The following AMZ1 variants were observed in gnomAD, a reference collection of about 807,000 sequenced individuals.
AMZ1 encodes the protein archaelysin family metallopeptidase 1, also known as archaemetzincin-1.
In AMZ1, 39 loss-of-function variants were observed where a neutral mutation model predicts 29.9. That is an observed-to-expected ratio of 1.30 (90% CI 1.01 to 1.70). AMZ1 has a LOEUF of 1.70. AMZ1 is among the 40% of genes most tolerant of loss of function. The pLI is 0.00. For missense variants in AMZ1, 1,041 were observed against 680.6 expected, an observed-to-expected ratio of 1.53 and a Z score of -5.89; for synonymous variants, 458 against 304.0, an observed-to-expected ratio of 1.51 and a Z score of -5.27.
Position 2,747,719 on chromosome 7 carries a change from G to A in AMZ1, n.551-16993G>A, listed in dbSNP as rs556464978. On this transcript the variant is annotated intron_variant and non_coding_transcript_variant, in intron 4 of 4. Coordinates refer to the AMZ1 transcript ENST00000489665. ...TAAAGGGTATTCAATTAGGAAAAGA[G>A]GAAGTCAAATTGTCCCTGTTTGCAG... 1.0e-3 allele frequency among the ~76,000 whole-genome samples: 157 copies of A among 152,280 alleles called. 1 individual carries two copies. The highest frequency in any genetic ancestry group is 3.8e-3 in the African/African-American group (156 of 41,546).
chr7:2,713,756 C>T lies in AMZ1; in HGVS notation c.*878C>T, dbSNP rs934756770. 5.2e-5 allele frequency: 8 copies of T among 152,434 alleles called. No individual in the cohort carries two copies. Among genetic ancestry groups the T allele is most frequent in the South Asian group, 2.1e-4 (1 of 4,826 alleles). The allele number at this position is 152,434 out of a possible 1,614,324, so 9.4% of individuals were successfully genotyped here. On this transcript the variant is annotated 3_prime_UTR_variant, in exon 7 of 7. Coordinates refer to ENST00000683327, the MANE Select transcript of AMZ1 (RefSeq NM_001384743.1). ...CACTGCAGGAGGTGAGGGTGTCTGA[C>T]GTGCACTGAGGGCAGAGGCCCCCTT...
chr7:2,697,806 G>A (rs1226066592), intron 1 of AMZ1, among the ~76,000 whole-genome samples: 4 of 152,164 alleles, frequency 2.6e-5, no homozygotes, highest in African/African-American at 7.2e-5. Flanking sequence ...GATTATATAT[G>A]CAGTTGGATC....
At position 2,743,460 on chromosome 7, in the gene AMZ1, G is replaced by A. The variant is rs545759583; in HGVS notation, n.551-21252G>A. ...AATATCCCAGATACTGGGATGGCTT[G>A]ACACAGACTTTAAAGCAGCTATTAT... is the stretch of plus-strand genomic sequence containing the variant. On this transcript the variant is annotated intron_variant and non_coding_transcript_variant, in intron 4 of 4. Coordinates refer to the AMZ1 transcript ENST00000489665. Among the ~76,000 whole-genome samples the A allele has an allele frequency of 2.6e-5, 4 of 152,318 alleles. 1 individual carries two copies. The highest frequency in any genetic ancestry group is 9.6e-5 in the African/African-American group (4 of 41,562).
intron 4 of AMZ1, among the ~76,000 whole-genome samples, chr7:2,743,572 G>A (rs896904577): frequency 2.0e-5 from 3 of 152,144 alleles, no homozygotes; most frequent in Non-Finnish European, 4.4e-5. Context: ...CAAGATGGCC[G>A]AATAGGAACA....
intron 4 of AMZ1, among the ~76,000 whole-genome samples, chr7:2,726,234 C>CA (rs1789610537): frequency 6.6e-6 from 1 of 152,194 alleles, no homozygotes; most frequent in South Asian, 2.1e-4. Flanking sequence ...AAAGAAAACC[C>CA]ACCATCCCCG....
At chr7:2,749,564 TGAC>T (rs1257722583) in intron 4 of AMZ1, among the ~76,000 whole-genome samples, 1 of 151,704 alleles carries the variant, frequency 6.6e-6, no homozygotes, top group Non-Finnish European at 1.5e-5. Flanking sequence ...TAATGCTAAA[TGAC>T]GAGTTAATGG....
intron 4 of AMZ1, among the ~76,000 whole-genome samples, chr7:2,757,881 TC>T (rs1429046577): frequency 3.3e-5 from 5 of 152,202 alleles, no homozygotes; most frequent in African/African-American, 1.2e-4. Context: ...AAATATTTTT[TC>T]CTTTAATAGC....
rs1173408287 is a variant in AMZ1 at position 2,717,847 on chromosome 7, CAG to C, written c.*4970_*4971del. Among the ~76,000 whole-genome samples the C allele has an allele frequency of 6.6e-6, 1 of 152,166 alleles. No individual in the cohort carries two copies. Among genetic ancestry groups the C allele is most frequent in the African/African-American group, 2.4e-5 (1 of 41,442 alleles). The stretch of plus-strand genomic sequence containing the variant: ...GAGGCAAATGAAAACAGGCTGATGT[CAG>C]GGGTTTATTTTAAAAAGCAATTTCC... On this transcript the variant is annotated 3_prime_UTR_variant, in exon 7 of 7. Transcript: ENST00000683327.
intron 4 of AMZ1, among the ~76,000 whole-genome samples, chr7:2,754,519 G>T (rs1354589220): frequency 1.3e-5 from 2 of 151,628 alleles, no homozygotes; most frequent in African/African-American, 4.9e-5. Context: ...AGGGCAGGAA[G>T]ATCCCTTGAG....
At position 2,698,128 on chromosome 7, in the gene AMZ1, C is replaced by T. The variant is rs62439536; in HGVS notation, c.-218-2106C>T. Among the ~76,000 whole-genome samples, 27 of 152,182 alleles carry T rather than the reference C, an allele frequency of 1.8e-4. 1 individual carries two copies. Among genetic ancestry groups the T allele is most frequent in the South Asian group, 4.1e-4 (2 of 4,824 alleles). ...TGGAGTTAGTGGGCCAGGCGTGGTA[C>T]GTATGCCCATGTTGCCACTACTCAG... On this transcript the variant is annotated intron_variant, in intron 1 of 6. Coordinates refer to ENST00000683327, the MANE Select transcript of AMZ1 (RefSeq NM_001384743.1).
Position 2,718,064 on chromosome 7 carries a change from T to C in AMZ1, c.*5186T>C, listed in dbSNP as rs1789233659. ...GGCCCGTCCAACCTCCTGCCCTCTC[T>C]GAGAGGGGCCCGAGCTCTCGCAAGA... On this transcript the variant is annotated 3_prime_UTR_variant, in exon 7 of 7. Coordinates refer to ENST00000683327, the MANE Select transcript of AMZ1 (RefSeq NM_001384743.1). Among the ~76,000 whole-genome samples, 1 of 152,194 alleles carries C rather than the reference T, an allele frequency of 6.6e-6. No individual in the cohort carries two copies. The highest frequency in any genetic ancestry group is 2.1e-4 in the South Asian group (1 of 4,832).
intron 3 of AMZ1, among the ~76,000 whole-genome samples, chr7:2,707,262 G>T (rs1356527270): frequency 1.4e-5 from 2 of 140,752 alleles, no homozygotes; most frequent in Admixed American, 7.5e-5. Context: ...GGGCAACAAA[G>T]CAACACTCCA....
At chr7:2,721,863 T>C (rs1260888540), downstream of AMZ1, among the ~76,000 whole-genome samples, 3 of 152,200 alleles carry the variant, frequency 2.0e-5, no homozygotes, top group African/African-American at 7.2e-5. Flanking sequence ...AAATCATATA[T>C]ACAAAACATG....
Position 2,708,620 on chromosome 7 carries a change from C to T in AMZ1, c.505C>T (p.Pro169Ser), listed in dbSNP as rs974689328. The T allele has an allele frequency of 6.2e-7, 1 of 1,612,926 alleles. No individual in the cohort carries two copies. The highest frequency in any genetic ancestry group is 1.7e-5 in the Admixed American group (1 of 60,000). The stretch of plus-strand genomic sequence containing the variant: ...CCTGTCCTTCTTGAAGAACAACAAG[C>T]CAGGGGACGCGCTGTGTGTGCTGGG... ...GILSFLKNNK[P>S]GDALCVLGLT... is the part of the protein sequence containing the mutation. Residue 169 changes from proline (P) to serine (S), a missense_variant, in exon 4 of 7, where the codon CCA becomes TCA. Pro to Ser is a moderately conservative substitution (Grantham distance 74, BLOSUM62 -1). Coordinates refer to ENST00000683327, the MANE Select transcript of AMZ1 (RefSeq NM_001384743.1).
At chr7:2,750,256 T>C (rs775323906) in intron 4 of AMZ1, among the ~76,000 whole-genome samples, 54 of 152,150 alleles carry the variant, frequency 3.5e-4, no homozygotes, top group Non-Finnish European at 6.8e-4. Context: ...ATCAGAGAGC[T>C]GAGATCACAG....
chr7:2,755,433 GCTT>G (rs1266719819), intron 4 of AMZ1, among the ~76,000 whole-genome samples: 3 of 152,130 alleles, frequency 2.0e-5, no homozygotes, highest in Non-Finnish European at 2.9e-5. Context: ...AGTGTTTCGT[GCTT>G]CTTATCAAAC....
intron 1 of AMZ1, among the ~76,000 whole-genome samples, chr7:2,699,025 A>T (rs963790727): frequency 6.6e-6 from 1 of 152,018 alleles, no homozygotes; most frequent in Non-Finnish European, 1.5e-5. Flanking sequence ...ATAAGGGTCT[A>T]TTCACACGTC....
intron 4 of AMZ1, among the ~76,000 whole-genome samples, chr7:2,751,805 G>T (rs542328305): frequency 4.6e-5 from 7 of 152,108 alleles, no homozygotes; most frequent in Non-Finnish European, 1.0e-4. Context: ...TTCCCAAAAC[G>T]GATACTGTAT....
intron 4 of AMZ1, among the ~76,000 whole-genome samples, chr7:2,747,752 G>A (rs971579459): frequency 1.1e-4 from 17 of 152,196 alleles, no homozygotes; most frequent in African/African-American, 4.8e-5. Context: ...CAGACGACAT[G>A]ATTGTATATT....
Sources: gnomAD v4.1 joint callset for allele counts (sites outside exome capture counted in the v4.1 genomes callset) on GRCh38, gnomAD v4.1.1 for gene constraint, MANE v1.5 for transcripts, NCBI Gene and HGNC (gene_info 2026-07-23, HGNC 2026-07-21) for gene names.